A2ML1: variants seen among roughly 807,000 people sequenced by gnomAD.
The protein encoded by A2ML1 is alpha-2-macroglobulin like 1.
A neutral mutation model predicts 181.9 loss-of-function variants in A2ML1; 161 were observed. The ratio of observed to expected loss-of-function variants is 0.89; its 90% CI spans 0.78 to 1.01. The LOEUF is 1.01. A2ML1 is among the 50% of genes least tolerant of loss of function. The pLI is 0.00. For missense variants in A2ML1, 1,670 were observed against 1,768.1 expected (o/e 0.94, Z 1.00); for synonymous variants, 663 against 666.8 (o/e 0.99, Z 0.09).
intron 5 of A2ML1, 129 bp downstream of exon 5, chr12:8,834,811 G>T: frequency 1.8e-6 from 2 of 1,124,030 alleles, no homozygotes; most frequent in South Asian, 2.9e-5. Flanking sequence ...GCCCAGCACC[G>T]AGCGCCCACA....
intron 28 of A2ML1, among the ~76,000 whole-genome samples, chr12:8,862,660 G>C (rs189739143): frequency 1.3e-5 from 2 of 152,170 alleles, no homozygotes; most frequent in South Asian, 2.1e-4. Flanking sequence ...TGGCTGAGCT[G>C]TCCTCTCACA....
downstream of A2ML1, among the ~76,000 whole-genome samples, chr12:8,878,270 T>C (rs998115926): frequency 6.6e-6 from 1 of 152,224 alleles, no homozygotes; most frequent in African/African-American, 2.4e-5. This position sits in a 1 kb window ranked among gnomAD's most constrained non-coding sequence, Gnocchi z 4.4. Flanking sequence ...GCCATCGCAC[T>C]TCAGCCTGGG....
At position 8,847,531 on chromosome 12, in the gene A2ML1, T is replaced by C. The variant is rs1304294809; in HGVS notation, c.1684-18T>C. On this transcript the variant is annotated intron_variant, in intron 14 of 35. Coordinates refer to ENST00000299698, the MANE Select transcript of A2ML1 (RefSeq NM_144670.6). ...CCAGGCTGACCTGATCCCCAAGTTA[T>C]ACCTTTCCCTTCCCCAGGTTTCCCT... The C allele has an allele frequency of 2.5e-6, 4 of 1,600,378 alleles. No individual in the cohort carries two copies. The highest frequency in any genetic ancestry group is 2.6e-6 in the Non-Finnish European group (3 of 1,174,388).
intron 7 of A2ML1, among the ~76,000 whole-genome samples, chr12:8,882,105 A>G (rs1442065064): frequency 6.6e-6 from 1 of 152,222 alleles, no homozygotes; most frequent in Non-Finnish European, 1.5e-5. Context: ...ACCATTAAAG[A>G]AAGAAATCTG....
chr12:8,871,929 C>T (rs1272270089), intron 33 of A2ML1, among the ~76,000 whole-genome samples: 1 of 152,076 alleles, frequency 6.6e-6, no homozygotes, highest in Non-Finnish European at 1.5e-5. Flanking sequence ...CCTGTAATCC[C>T]AGCACTTTGG....
chr12:8,870,434 A>G (rs1944582370), intron 33 of A2ML1, among the ~76,000 whole-genome samples: 1 of 151,866 alleles, frequency 6.6e-6, no homozygotes, highest in South Asian at 2.1e-4. Context: ...TGCCCGGCTA[A>G]TTTTTTGTAT....
At chr12:8,854,898 T>TTC in intron 22 of A2ML1, 67 bp downstream of exon 22, 1 of 1,259,160 alleles carries the variant, frequency 7.9e-7, no homozygotes, top group East Asian at 2.6e-5. Context: ...TTCTTTTCAT[T>TTC]TTTTTTTTTT....
In A2ML1 at chr12:8,848,915, G is replaced by A. The variant is rs1191589063; in HGVS notation, c.2028+1G>A. 2.5e-6 allele frequency: 4 copies of A among 1,610,326 alleles called. No homozygotes were observed. The Admixed American group carries it at 5.1e-5, about 20-fold the overall frequency. ...CACGGACCTTTTCAGCTTTTTCCGG[G>A]TAGGTCTTCTTACCCATTTTGTTCT... On this transcript the variant is annotated splice_donor_variant, in intron 16 of 35. Coordinates refer to ENST00000299698, the MANE Select transcript of A2ML1 (RefSeq NM_144670.6). LOFTEE classifies it high-confidence loss of function.
chr12:8,868,738 G>A (rs1391406888), intron 32 of A2ML1, 111 bp downstream of exon 32: 7 of 636,428 alleles, frequency 1.1e-5, no homozygotes, highest in African/African-American at 3.8e-5. Flanking sequence ...CACACACAAG[G>A]CATGTATATA....
intron 7 of A2ML1, among the ~76,000 whole-genome samples, chr12:8,884,759 G>C (rs768041190): frequency 6.6e-6 from 1 of 152,304 alleles, no homozygotes; most frequent in South Asian, 2.1e-4. Context: ...CACTATGTTG[G>C]CCAGGCTGGT....
At chr12:8,853,759 G>T (rs1019010979) in intron 20 of A2ML1, among the ~76,000 whole-genome samples, 3 of 152,142 alleles carry the variant, frequency 2.0e-5, no homozygotes, top group African/African-American at 7.2e-5. Context: ...TGAGAAAAGG[G>T]GTGCACCCAA....
intron 4 of A2ML1, 156 bp downstream of exon 4, chr12:8,829,935 T>G (rs1943057129): frequency 3.7e-6 from 3 of 800,182 alleles, no homozygotes; most frequent in African/African-American, 1.7e-5. Flanking sequence ...CTGGGCGAGC[T>G]TCAGGGAGCT....
intron 25 of A2ML1, 86 bp downstream of exon 25, chr12:8,857,674 A>G: frequency 7.0e-7 from 1 of 1,431,044 alleles, no homozygotes; most frequent in Non-Finnish European, 9.7e-7. Context: ...CTCTCCCCTT[A>G]ACCCCTTTCC....
At chr12:8,881,769 T>G (rs1480741208), downstream of A2ML1, among the ~76,000 whole-genome samples, 1 of 152,060 alleles carries the variant, frequency 6.6e-6, no homozygotes, top group Non-Finnish European at 1.5e-5. Context: ...CACAGCACTT[T>G]GGGAGGCCGA....
In A2ML1 at chr12:8,838,390, A is replaced by T; in HGVS notation, c.910A>T (p.Ile304Phe). The change falls in exon 9 of 36, where the codon ATT becomes TTT. Residue 304 changes from isoleucine to phenylalanine, a missense_variant. Ile to Phe is a conservative substitution (Grantham distance 21). Coordinates refer to ENST00000299698, the MANE Select transcript of A2ML1 (RefSeq NM_144670.6). Reference sequence around the variant, plus strand: ...TGTGGACATGGCCACCTTTGACCTCATTGGATATGCGTACAGCCATCAAAT... The same window carrying T: ...TGTGGACATGGCCACCTTTGACCTCTTTGGATATGCGTACAGCCATCAAAT... ...APVDMATFDL[I>F]GYAYSHQINI... 6.2e-7 allele frequency: 1 copy of T among 1,613,926 alleles called. No homozygotes were observed. The highest frequency in any genetic ancestry group is 8.5e-7 in the Non-Finnish European group (1 of 1,179,908).
Position 8,835,487 on chromosome 12 carries a change from G to C in A2ML1, c.484-20G>C. On this transcript the variant is annotated intron_variant, in intron 5 of 35. Coordinates refer to ENST00000299698, the MANE Select transcript of A2ML1 (RefSeq NM_144670.6). Reference sequence around the variant, plus strand: ...GGAAGCAAACGGGCAGGCACATCATGCAGTTTCTCTATTGGACAGGATCCA... The same window carrying C: ...GGAAGCAAACGGGCAGGCACATCATCCAGTTTCTCTATTGGACAGGATCCA... 1 of 1,613,044 alleles carries C rather than the reference G, an allele frequency of 6.2e-7. No homozygotes were observed. Among genetic ancestry groups the C allele is most frequent in the Non-Finnish European group, 8.5e-7 (1 of 1,179,212 alleles).
Position 8,858,065 on chromosome 12 carries a change from A to G in A2ML1, c.3227A>G (p.Tyr1076Cys). ...GGAAACCAGCTCCCCAGTGGCTGCT[A>G]TGCCAACGTGGGAAATCTCCTTCAC... The part of the protein sequence containing the change: ...MAGNQLPSGC[Y>C]ANVGNLLHTA... Residue 1076 changes from tyrosine to cysteine, a missense_variant, in exon 26 of 36, where the codon TAT becomes TGT. Tyr to Cys is a radical substitution (Grantham distance 194). Transcript: ENST00000299698. The G allele has an allele frequency of 1.9e-6, 3 of 1,614,152 alleles. No homozygotes were observed. The highest frequency in any genetic ancestry group is 2.2e-5 in the East Asian group (1 of 44,876).
chr12:8,872,543 A>ATT (rs1944661426), intron 33 of A2ML1, among the ~76,000 whole-genome samples: 1 of 152,056 alleles, frequency 6.6e-6, no homozygotes, highest in Non-Finnish European at 1.5e-5. Context: ...GCACTTTGGG[A>ATT]GGCCGAGGCG....
In A2ML1 at chr12:8,838,397, A is replaced by G; in HGVS notation, c.917A>G (p.Tyr306Cys). The change falls in exon 9 of 36, where the codon TAT becomes TGT. Residue 306 changes from tyrosine (Y) to cysteine (C), a missense_variant. Physicochemically the swap from Tyr to Cys is radical, Grantham distance 194. Transcript: ENST00000299698. ...ATGGCCACCTTTGACCTCATTGGAT[A>G]TGCGTACAGCCATCAAATCAATATT... is the stretch of plus-strand genomic sequence containing the variant. ...VDMATFDLIG[Y>C]AYSHQINIVA... The G allele has an allele frequency of 6.2e-7, 1 of 1,614,016 alleles. No homozygotes were observed. Among genetic ancestry groups the G allele is most frequent in the Non-Finnish European group, 8.5e-7 (1 of 1,179,950 alleles).
Sources: gnomAD v4.1 joint callset for allele counts (sites outside exome capture counted in the v4.1 genomes callset) on GRCh38, gnomAD v4.1.1 for gene constraint, Gnocchi (gnomAD v3.1) non-coding constraint, MANE v1.5 for transcripts, NCBI Gene and HGNC (gene_info 2026-07-23, HGNC 2026-07-21) for gene names.